TMEM196: variants seen among roughly 807,000 people sequenced by gnomAD.
The protein encoded by TMEM196 is transmembrane protein 196.
Under a neutral mutation model 20.0 loss-of-function variants are expected in TMEM196, and 17 were observed. The observed-to-expected ratio is 0.85, with a 90% CI of 0.58 to 1.27. TMEM196 has a LOEUF of 1.27. Among genes scored for constraint, TMEM196 ranks in the 50% most tolerant of loss-of-function variants. The pLI is 0.00. For missense variants in TMEM196, 267 were observed against 223.0 expected (o/e 1.20, Z -1.26); for synonymous variants, 113 against 88.9 (o/e 1.27, Z -1.52).
Position 19,722,151 on chromosome 7 carries a change from A to C in TMEM196, c.534-17T>G, listed in dbSNP as rs538896522. 7 of 1,600,338 alleles carry C rather than the reference A, an allele frequency of 4.4e-6. No homozygotes were observed. In the East Asian group the frequency reaches 1.6e-4, roughly 36 times the overall value. On this transcript the variant is annotated splice_polypyrimidine_tract_variant and intron_variant, in intron 4 of 4. Transcript: ENST00000405844. ...TGTTATTTCCTGTTAGAAAAATGAC[A>C]TGATTAATTAAAATTCGCTTTTGGA... is the stretch of plus-strand genomic sequence containing the variant.
intron 1 of TMEM196, among the ~76,000 whole-genome samples, chr7:19,734,331 A>G (rs1171173488): frequency 1.3e-5 from 2 of 152,226 alleles, no homozygotes; most frequent in Admixed American, 6.5e-5. Context: ...TAAGAACGAC[A>G]TGTTCACTTG....
intron 4 of TMEM196, among the ~76,000 whole-genome samples, chr7:19,722,600 A>G (rs903707105): frequency 2.0e-5 from 3 of 152,152 alleles, no homozygotes; most frequent in Admixed American, 6.6e-5. Context: ...ATCATTGCTC[A>G]TTTGTAACTA....
At chr7:19,742,311 T>A (rs1196281873) in intron 1 of TMEM196, among the ~76,000 whole-genome samples, 2 of 152,124 alleles carry the variant, frequency 1.3e-5, no homozygotes, top group East Asian at 3.9e-4. Flanking sequence ...TTGAAAACAA[T>A]GACTGGTCTT....
intron 1 of TMEM196, among the ~76,000 whole-genome samples, chr7:19,731,596 A>T (rs754115350): frequency 9.2e-5 from 14 of 152,342 alleles, no homozygotes; most frequent in Non-Finnish European, 1.8e-4. Context: ...ATTTGAAAGC[A>T]GTGTAGTTTT....
chr7:19,728,307 G>A (rs1028836860), intron 2 of TMEM196, among the ~76,000 whole-genome samples: 1 of 152,036 alleles, frequency 6.6e-6, no homozygotes, highest in Non-Finnish European at 1.5e-5. Flanking sequence ...CTTCGTAGAG[G>A]AAGGGCATAA....
At chr7:19,766,940 G>C (rs1315029529) in intron 1 of TMEM196, among the ~76,000 whole-genome samples, 2 of 151,966 alleles carry the variant, frequency 1.3e-5, no homozygotes, top group Admixed American at 1.3e-4. Context: ...TATATTTTAG[G>C]CAAAAATGTC....
intron 1 of TMEM196, among the ~76,000 whole-genome samples, chr7:19,759,188 A>G (rs1313588220): frequency 6.6e-6 from 1 of 152,176 alleles, no homozygotes; most frequent in Non-Finnish European, 1.5e-5. Context: ...TTATATTTTC[A>G]GCACACATTG....
chr7:19,758,186 A>T (rs184827015), intron 1 of TMEM196, among the ~76,000 whole-genome samples: 1 of 152,112 alleles, frequency 6.6e-6, no homozygotes, highest in South Asian at 2.1e-4. Context: ...TCACTTACTT[A>T]TCCAAATTGA....
chr7:19,756,331 G>A (rs1785209366), intron 1 of TMEM196, among the ~76,000 whole-genome samples: 1 of 151,200 alleles, frequency 6.6e-6, no homozygotes, highest in Non-Finnish European at 1.5e-5. Context: ...AATCTAGTAT[G>A]TATTTTTTAC....
At chr7:19,766,940 G>A (rs1315029529) in intron 1 of TMEM196, among the ~76,000 whole-genome samples, 1 of 151,966 alleles carries the variant, frequency 6.6e-6, no homozygotes, top group East Asian at 1.9e-4. Flanking sequence ...TATATTTTAG[G>A]CAAAAATGTC....
At chr7:19,738,673 T>C (rs1401352299) in intron 1 of TMEM196, among the ~76,000 whole-genome samples, 1 of 151,998 alleles carries the variant, frequency 6.6e-6, no homozygotes, top group Non-Finnish European at 1.5e-5. Context: ...TGAAATAGCT[T>C]CCAATGACTA....
chr7:19,763,924 A>G (rs924593702), intron 1 of TMEM196, among the ~76,000 whole-genome samples: 1 of 152,310 alleles, frequency 6.6e-6, no homozygotes, highest in Middle Eastern at 3.4e-3. Context: ...AGTCAAGCCT[A>G]AACAATTAAA....
At chr7:19,729,678 A>G (rs1009060914) in intron 1 of TMEM196, among the ~76,000 whole-genome samples, 1 of 152,228 alleles carries the variant, frequency 6.6e-6, no homozygotes, top group Non-Finnish European at 1.5e-5. Context: ...AGCATCAGGT[A>G]AAATTATTAA....
intron 1 of TMEM196, among the ~76,000 whole-genome samples, chr7:19,766,863 G>A (rs1002767109): frequency 1.2e-4 from 18 of 151,978 alleles, no homozygotes; most frequent in Non-Finnish European, 2.2e-4. Flanking sequence ...AGATAGTTTG[G>A]TTCTATTCAA....
At chr7:19,724,539 A>C (rs1421137766) in intron 3 of TMEM196, among the ~76,000 whole-genome samples, 186 bp from the exon 4 acceptor site, 1 of 152,204 alleles carries the variant, frequency 6.6e-6, no homozygotes, top group Non-Finnish European at 1.5e-5. Flanking sequence ...TAACTGTTTC[A>C]TGAAGGACAT....
At chr7:19,756,487 A>C (rs1288005903) in intron 1 of TMEM196, among the ~76,000 whole-genome samples, 1 of 151,960 alleles carries the variant, frequency 6.6e-6, no homozygotes, top group African/African-American at 2.4e-5. Flanking sequence ...GCCTAGATTC[A>C]TTAGTTATTT....
At chr7:19,755,750 C>T (rs1785183875) in intron 1 of TMEM196, among the ~76,000 whole-genome samples, 2 of 152,166 alleles carry the variant, frequency 1.3e-5, no homozygotes, top group African/African-American at 4.8e-5. Flanking sequence ...AAATGTGAGG[C>T]CAGGCGTGGT....
At chr7:19,768,222 C>T (rs994661111) in intron 1 of TMEM196, among the ~76,000 whole-genome samples, 1 of 151,926 alleles carries the variant, frequency 6.6e-6, no homozygotes, top group Non-Finnish European at 1.5e-5. Context: ...AATACTACCT[C>T]GTGGTTTACA....
At chr7:19,761,193 G>C (rs1259443868) in intron 1 of TMEM196, among the ~76,000 whole-genome samples, 2 of 152,106 alleles carry the variant, frequency 1.3e-5, no homozygotes, top group Non-Finnish European at 2.9e-5. Flanking sequence ...TGCAATTTTA[G>C]CATAGCGTAC....
Sources: gnomAD v4.1 joint callset for allele counts (sites outside exome capture counted in the v4.1 genomes callset) on GRCh38, gnomAD v4.1.1 for gene constraint, MANE v1.5 for transcripts, NCBI Gene and HGNC (gene_info 2026-07-23, HGNC 2026-07-21) for gene names.